PTPN4: variants seen among roughly 807,000 people sequenced by gnomAD.
PTPN4 encodes the protein tyrosine-protein phosphatase non-receptor type 4.
A neutral mutation model predicts 135.5 loss-of-function variants in PTPN4; 49 were observed. The ratio of observed to expected loss-of-function variants is 0.36; its 90% CI spans 0.29 to 0.46. PTPN4 has a LOEUF of 0.46. Among genes scored for constraint, PTPN4 ranks in the 20% least tolerant of loss-of-function variants. The pLI is 1.00. For missense variants in PTPN4, 860 were observed against 1,101.0 expected (o/e 0.78, Z 3.10); for synonymous variants, 333 against 369.9 (o/e 0.90, Z 1.14).
At chr2:119,933,808 GA>G (rs1678943366) in intron 14 of PTPN4, among the ~76,000 whole-genome samples, 1 of 152,016 alleles carries the variant, frequency 6.6e-6, no homozygotes, top group Non-Finnish European at 1.5e-5. Flanking sequence ...GTTACTCCTA[GA>G]AAAAAATGGA....
intron 13 of PTPN4, among the ~76,000 whole-genome samples, chr2:119,927,311 A>G (rs1222626542): frequency 6.6e-6 from 1 of 151,484 alleles, no homozygotes; most frequent in Non-Finnish European, 1.5e-5. Context: ...GGGGTTTACC[A>G]TGTCAGCCAG....
intron 2 of PTPN4, among the ~76,000 whole-genome samples, chr2:119,837,583 A>C (rs187902935): frequency 6.6e-6 from 1 of 152,332 alleles, no homozygotes; most frequent in African/African-American, 2.4e-5. Flanking sequence ...GAATGGCAGT[A>C]CTGAGAACTG....
At chr2:119,841,359 A>G (rs757073408) in intron 2 of PTPN4, among the ~76,000 whole-genome samples, 21 of 152,054 alleles carry the variant, frequency 1.4e-4, no homozygotes, top group Non-Finnish European at 2.6e-4. Flanking sequence ...ATGTGTGTGT[A>G]TGTGTTTATA....
chr2:119,907,497 C>T (rs753752979), intron 10 of PTPN4, among the ~76,000 whole-genome samples: 12 of 152,072 alleles, frequency 7.9e-5, no homozygotes, highest in East Asian at 1.9e-4. Context: ...CTAGCTACTC[C>T]GGAAGCTGAG....
At chr2:119,962,313 G>A (rs569114115) in intron 23 of PTPN4, among the ~76,000 whole-genome samples, 56 of 152,040 alleles carry the variant, frequency 3.7e-4, no homozygotes, top group Non-Finnish European at 6.0e-4. Context: ...AATTAGCCAG[G>A]CTTGGTGGCA....
chr2:119,842,424 G>A (rs1052230575), intron 2 of PTPN4, among the ~76,000 whole-genome samples: 16 of 152,190 alleles, frequency 1.1e-4, no homozygotes, highest in African/African-American at 3.9e-4. Flanking sequence ...GCATATAAAA[G>A]TAGAAAGAAT....
At chr2:119,943,468 T>TGAAGA (rs1679087919) in intron 15 of PTPN4, among the ~76,000 whole-genome samples, 2 of 152,134 alleles carry the variant, frequency 1.3e-5, no homozygotes, top group Admixed American at 6.5e-5. Context: ...GTGCTCTACC[T>TGAAGA]TATCTTCATT....
intron 2 of PTPN4, among the ~76,000 whole-genome samples, chr2:119,814,036 G>A (rs1558734077): frequency 6.6e-6 from 1 of 152,072 alleles, no homozygotes; most frequent in Non-Finnish European, 1.5e-5. Context: ...GTGTGTGTAT[G>A]TGTGACACAC....
At chr2:119,847,253 GA>G (rs1425439612) in intron 2 of PTPN4, among the ~76,000 whole-genome samples, 12 of 101,522 alleles carry the variant, frequency 1.2e-4, no homozygotes, top group Admixed American at 3.1e-4. Flanking sequence ...AATCAGTTAA[GA>G]AAAAAAGGAG....
intron 26 of PTPN4, among the ~76,000 whole-genome samples, chr2:119,976,748 G>A (rs149204618): frequency 6.6e-6 from 1 of 152,298 alleles, no homozygotes; most frequent in East Asian, 1.9e-4. Context: ...TATAGAGGCT[G>A]CAGTATTTTA....
intron 9 of PTPN4, among the ~76,000 whole-genome samples, chr2:119,888,541 T>G (rs569840243): frequency 6.6e-6 from 1 of 152,250 alleles, no homozygotes; most frequent in East Asian, 1.9e-4. Context: ...TGTTGAGATG[T>G]TGAAGTTTTT....
At chr2:119,803,202 TTTCC>T (rs1380130271) in intron 1 of PTPN4, among the ~76,000 whole-genome samples, 1 of 152,186 alleles carries the variant, frequency 6.6e-6, no homozygotes, top group Non-Finnish European at 1.5e-5. Flanking sequence ...TTCTTTGTTA[TTTCC>T]TTCCTTCTGT....
chr2:119,976,233 G>A (rs952062033), intron 26 of PTPN4, among the ~76,000 whole-genome samples: 8 of 151,970 alleles, frequency 5.3e-5, no homozygotes, highest in East Asian at 1.9e-4. Flanking sequence ...TCCTGACCTC[G>A]TGATCCACCC....
intron 3 of PTPN4, among the ~76,000 whole-genome samples, chr2:119,870,130 A>C (rs905503878): frequency 2.0e-5 from 3 of 152,218 alleles, no homozygotes; most frequent in Non-Finnish European, 4.4e-5. Context: ...AGCTCAAATG[A>C]ATCATTTGGA....
intron 7 of PTPN4, 77 bp from the exon 8 acceptor site, chr2:119,882,426 T>TAA: frequency 7.6e-7 from 1 of 1,311,866 alleles, no homozygotes; most frequent in Non-Finnish European, 1.0e-6. Flanking sequence ...GAAATAGAAT[T>TAA]AATGGCATCG....
chr2:119,954,295 T>A (rs1409030154), intron 19 of PTPN4, among the ~76,000 whole-genome samples: 1 of 152,234 alleles, frequency 6.6e-6, no homozygotes, highest in African/African-American at 2.4e-5. Flanking sequence ...GCTCTCTTTC[T>A]TCTCCCAGTG....
chr2:119,821,479 T>C (rs914930531), intron 2 of PTPN4, among the ~76,000 whole-genome samples: 8 of 150,876 alleles, frequency 5.3e-5, no homozygotes, highest in African/African-American at 1.9e-4. Context: ...TTATGACACT[T>C]TTTTTTTTGA....
Position 119,913,930 on chromosome 2 carries a change from T to C in PTPN4, c.765-1249T>C, listed in dbSNP as rs377485100. ...GTTTGAAAGATTTTTAATTTATACA[T>C]TGGTATTTTTCTGAAAAAACTTTGT... On this transcript the variant is annotated intron_variant, in intron 10 of 26. Transcript: ENST00000263708. Among the ~76,000 whole-genome samples, 41 of 152,314 alleles carry C rather than the reference T, an allele frequency of 2.7e-4. No homozygotes were observed. The East Asian group carries it at 6.2e-3, about 23-fold the overall frequency.
At chr2:119,911,297 T>C (rs1480551372) in intron 10 of PTPN4, among the ~76,000 whole-genome samples, 2 of 152,132 alleles carry the variant, frequency 1.3e-5, no homozygotes, top group Non-Finnish European at 2.9e-5. Context: ...AAATGACAAT[T>C]CATCATGTTC....
Sources: gnomAD v4.1 joint callset for allele counts (sites outside exome capture counted in the v4.1 genomes callset) on GRCh38, gnomAD v4.1.1 for gene constraint, MANE v1.5 for transcripts, NCBI Gene and HGNC (gene_info 2026-07-23, HGNC 2026-07-21) for gene names.